MAP4: variants seen among roughly 807,000 people sequenced by gnomAD.
The protein encoded by MAP4 is microtubule-associated protein 4.
MAP4 carries 76 observed loss-of-function variants against 170.2 expected under a neutral mutation model. The ratio of observed to expected loss-of-function variants is 0.45; its 90% CI spans 0.37 to 0.54. The LOEUF (loss-of-function observed/expected upper bound fraction) is 0.54. Among genes scored for constraint, MAP4 ranks in the 20% least tolerant of loss-of-function variants. The pLI is 0.00. For synonymous variants in MAP4, 909 were observed against 994.5 expected, an observed-to-expected ratio of 0.91 and a Z score of 1.62; for missense variants, 2,506 against 2,748.0, an observed-to-expected ratio of 0.91 and a Z score of 1.97.
intron 4 of MAP4, among the ~76,000 whole-genome samples, chr3:47,923,642 C>A (rs1034274267): frequency 6.7e-6 from 1 of 148,522 alleles, no homozygotes; most frequent in African/African-American, 2.5e-5. Flanking sequence ...AAAAAACAAA[C>A]CCTTATTTTC....
chr3:47,908,261 A>G (rs906540878), intron 9 of MAP4, among the ~76,000 whole-genome samples: 2 of 152,182 alleles, frequency 1.3e-5, no homozygotes, highest in African/African-American at 4.8e-5. Flanking sequence ...TAAAGGAATC[A>G]TCTTCTTAAT....
intron 1 of MAP4, among the ~76,000 whole-genome samples, chr3:48,055,281 A>T (rs1215217349): frequency 6.6e-6 from 1 of 151,826 alleles, no homozygotes; most frequent in Non-Finnish European, 1.5e-5. Flanking sequence ...GCTGGACTGT[A>T]CTGCTGCCAT....
intron 17 of MAP4, among the ~76,000 whole-genome samples, chr3:47,860,391 G>A (rs1001746978): frequency 2.6e-5 from 4 of 152,164 alleles, no homozygotes; most frequent in Non-Finnish European, 5.9e-5. Context: ...AAGGGGTTTC[G>A]CCAAGTGGCC....
chr3:47,945,702 T>C lies in MAP4; in HGVS notation c.293-17352A>G, dbSNP rs1578103554. ...TTTTATTTACTTTTTTTGCTGAATA[T>C]TAAAATATTATAATTTAATATTTTT... On this transcript the variant is annotated intron_variant, in intron 3 of 20. Coordinates refer to ENST00000683076, the MANE Select transcript of MAP4 (RefSeq NM_001385682.1). Among the ~76,000 whole-genome samples the C allele has an allele frequency of 2.0e-5, 3 of 152,096 alleles. No homozygotes were observed. The South Asian group carries it at 6.2e-4, about 32-fold the overall frequency.
intron 2 of MAP4, among the ~76,000 whole-genome samples, chr3:47,978,314 TTTA>T (rs374785098): frequency 6.6e-6 from 1 of 152,054 alleles, no homozygotes; most frequent in Non-Finnish European, 1.5e-5. Context: ...GGGCATTTGT[TTTA>T]TTATTATTAT....
chr3:47,971,515 C>T (rs568130835), intron 3 of MAP4, among the ~76,000 whole-genome samples: 2 of 152,286 alleles, frequency 1.3e-5, no homozygotes, highest in African/African-American at 4.8e-5. Context: ...TTTACACATG[C>T]AAACAGTTAT....
chr3:48,031,665 C>T (rs529012646), intron 1 of MAP4, among the ~76,000 whole-genome samples: 181 of 152,188 alleles, frequency 1.2e-3, no homozygotes, highest in African/African-American at 4.1e-3. Flanking sequence ...GCCAGGGTTG[C>T]GGTAAGCCAC....
intron 3 of MAP4, among the ~76,000 whole-genome samples, chr3:47,943,760 C>T (rs1165242011): frequency 1.3e-5 from 2 of 152,038 alleles, no homozygotes; most frequent in South Asian, 2.1e-4. Context: ...AAATCTCCAG[C>T]AGGAAGGAGA....
chr3:48,041,402 G>A (rs1305710898), intron 1 of MAP4, among the ~76,000 whole-genome samples: 10 of 151,746 alleles, frequency 6.6e-5, no homozygotes, highest in Non-Finnish European at 1.0e-4. Flanking sequence ...ATAAGCCACC[G>A]TGCCCGGCTG....
In MAP4 at chr3:47,870,916, C is replaced by CG. The variant is rs778275488; in HGVS notation, c.6190dup (p.Arg2064ProfsTer13). On this transcript the variant is annotated frameshift_variant, in exon 15 of 21. Coordinates refer to ENST00000683076, the MANE Select transcript of MAP4 (RefSeq NM_001385682.1). LOFTEE classifies it high-confidence loss of function. ...AGTATTGGTGGCCAGGCGGCTGAGC[C>CG]GGGGGGTGGTGGAGCTGGGTTTGGC... is the stretch of plus-strand genomic sequence containing the variant. 6.2e-7 allele frequency: 1 copy of CG among 1,613,894 alleles called. No homozygotes were observed. The highest frequency in any genetic ancestry group is 8.5e-7 in the Non-Finnish European group (1 of 1,179,900).
chr3:47,977,185 C>T (rs371498004), intron 3 of MAP4, among the ~76,000 whole-genome samples: 14 of 152,232 alleles, frequency 9.2e-5, no homozygotes, highest in East Asian at 3.9e-4. Context: ...AAATAAAACA[C>T]GCAACTCTCA....
intron 1 of MAP4, among the ~76,000 whole-genome samples, chr3:48,001,802 G>A (rs1197126709): frequency 1.3e-5 from 2 of 152,022 alleles, no homozygotes. Context: ...CGCCCAGCCT[G>A]CTTACTTTTC....
chr3:47,909,738 C>G lies in MAP4; in HGVS notation c.4683G>C (p.Lys1561Asn). 1 of 1,614,012 alleles carries G rather than the reference C, an allele frequency of 6.2e-7. No individual in the cohort carries two copies. Among genetic ancestry groups the G allele is most frequent in the Middle Eastern group, 1.6e-4 (1 of 6,062 alleles). ...GCTCTGTGACTTTCTCTACTGAATG[C>G]TTAGACGCACCACTGTGCACTGACT... ...ESESVHSGAS[K>N]HSVEKVTELA... Residue 1561 changes from lysine to asparagine, a missense_variant, in exon 9 of 21, where the codon AAG becomes AAC. By Grantham distance (94) the Lys-to-Asn change is moderately conservative (BLOSUM62 0). Coordinates refer to ENST00000683076, the MANE Select transcript of MAP4 (RefSeq NM_001385682.1).
intron 3 of MAP4, among the ~76,000 whole-genome samples, chr3:47,938,435 G>A (rs907700036): frequency 3.3e-5 from 5 of 152,162 alleles, no homozygotes; most frequent in African/African-American, 7.2e-5. Flanking sequence ...GTATAGTGGC[G>A]CAATCACAGC....
rs201292401 is a variant in MAP4, at chr3:47,923,766, G to A, written c.416-1888C>T. On this transcript the variant is annotated intron_variant, in intron 4 of 20. Transcript: ENST00000683076. ...GGGGAGGTTGAGTCTGTGGTGAGCC[G>A]TGGTTGTACCACTGAGCTACAGCCT... Among the ~76,000 whole-genome samples the A allele has an allele frequency of 4.6e-5, 7 of 152,208 alleles. No individual in the cohort carries two copies. The East Asian group carries it at 1.3e-3, about 29-fold the overall frequency.
chr3:48,087,084 A>G (rs2100149440), intron 1 of MAP4, among the ~76,000 whole-genome samples: 1 of 152,244 alleles, frequency 6.6e-6, no homozygotes, highest in Admixed American at 6.5e-5. Context: ...TCAAAAAGTG[A>G]CAGCTTTATT....
At chr3:48,071,155 G>A (rs2100140813) in intron 1 of MAP4, among the ~76,000 whole-genome samples, 1 of 152,162 alleles carries the variant, frequency 6.6e-6, no homozygotes, top group Admixed American at 6.5e-5. Context: ...GTCAGATACT[G>A]CCCTTTAACT....
At chr3:47,890,937 T>G (rs1192324240) in intron 10 of MAP4, 1 of 1,123,552 alleles carries the variant, frequency 8.9e-7, no homozygotes, top group African/African-American at 1.6e-5. Flanking sequence ...TGTAAAAAGC[T>G]GCTTAGTGCT....
At position 48,028,643 on chromosome 3, in the gene MAP4, G is replaced by A. The variant is rs150952383; in HGVS notation, c.-19-29764C>T. 2.6e-3 allele frequency among the ~76,000 whole-genome samples: 397 copies of A among 151,548 alleles called. 2 individuals are homozygous for A. Among genetic ancestry groups the A allele is most frequent in the African/African-American group, 9.3e-3 (386 of 41,318 alleles). On this transcript the variant is annotated intron_variant, in intron 1 of 18. Coordinates refer to the MAP4 transcript ENST00000360240. ...CGAAAATTAGCTGGGCATGGTGGCCGGCGCCTGTAGTCCCAATTACTCAGG... is the reference window on the plus strand; with the variant it reads ...CGAAAATTAGCTGGGCATGGTGGCCAGCGCCTGTAGTCCCAATTACTCAGG...
Sources: allele counts gnomAD v4.1 joint callset (sites outside exome capture counted in the v4.1 genomes callset), GRCh38; gene constraint gnomAD v4.1.1; transcripts MANE v1.5; gene names NCBI Gene and HGNC (gene_info 2026-07-23, HGNC 2026-07-21).